Variants in MCTP1 observed in about 807,000 individuals in gnomAD.
The protein encoded by MCTP1 is multiple C2 and transmembrane domain-containing protein 1.
MCTP1 carries 69 observed loss-of-function variants against 120.6 expected under a neutral mutation model. That is an observed-to-expected ratio of 0.57 (90% confidence interval 0.47 to 0.70). The LOEUF (loss-of-function observed/expected upper bound fraction) is 0.70, where lower values mean the gene tolerates loss of function less well. MCTP1 is among the 30% of genes least tolerant of loss of function. The pLI is 0.00. For missense variants in MCTP1, 1,203 were observed against 1,248.8 expected (o/e 0.96, Z 0.55); for synonymous variants, 529 against 493.1 (o/e 1.07, Z -0.96).
intron 1 of MCTP1, among the ~76,000 whole-genome samples, chr5:95,145,305 T>C (rs758219057): frequency 1.3e-5 from 2 of 152,152 alleles, no homozygotes; most frequent in Non-Finnish European, 2.9e-5. Flanking sequence ...GTGCAGTCTT[T>C]TGGGGTTTTC....
chr5:95,008,215 A>G (rs1162540060), intron 2 of MCTP1, among the ~76,000 whole-genome samples: 5 of 152,166 alleles, frequency 3.3e-5, no homozygotes, highest in Admixed American at 6.6e-5. Flanking sequence ...TACCATGACA[A>G]TGACCAGAAG....
intron 17 of MCTP1, among the ~76,000 whole-genome samples, chr5:94,807,545 C>T (rs927866448): frequency 6.6e-6 from 1 of 152,142 alleles, no homozygotes; most frequent in Non-Finnish European, 1.5e-5. Flanking sequence ...TGTGAATTAA[C>T]CCCACCAATT....
At chr5:94,933,511 C>T (rs1222898381) in intron 5 of MCTP1, among the ~76,000 whole-genome samples, 3 of 151,790 alleles carry the variant, frequency 2.0e-5, no homozygotes, top group Non-Finnish European at 4.4e-5. Flanking sequence ...AATAAACACT[C>T]AACTTTCTCA....
chr5:94,983,172 T>C (rs1004376466), intron 2 of MCTP1, among the ~76,000 whole-genome samples: 1 of 152,108 alleles, frequency 6.6e-6, no homozygotes, highest in Admixed American at 6.6e-5. Flanking sequence ...AGGAATGTGC[T>C]TGGACAGGTA....
chr5:94,752,442 A>T (rs1307883930), intron 19 of MCTP1, among the ~76,000 whole-genome samples: 6 of 152,016 alleles, frequency 3.9e-5, no homozygotes, highest in African/African-American at 1.5e-4. Flanking sequence ...TCAGAGGTTA[A>T]GGGTCAAATA....
chr5:94,895,604 A>G (rs1162831504), intron 10 of MCTP1, among the ~76,000 whole-genome samples: 1 of 152,234 alleles, frequency 6.6e-6, no homozygotes, highest in Non-Finnish European at 1.5e-5. Context: ...AATAGGAAAT[A>G]GCCAATTATA....
chr5:94,923,987 A>T lies in MCTP1; in HGVS notation c.1247T>A (p.Phe416Tyr). 6.6e-7 allele frequency: 1 copy of T among 1,524,144 alleles called. No individual in the cohort carries two copies. Among genetic ancestry groups the T allele is most frequent in the Non-Finnish European group, 8.8e-7 (1 of 1,141,230 alleles). 94.4% of individuals were successfully genotyped at this position (1,524,144 alleles called of 1,614,324 possible). ...LSENEVVGSY[F>Y]SVKSLFWRTC... ...CCTCCAAAAGAGAGACTTCACAGAG[A>T]AATAAGATCCAACCACTTCATTTTC... Residue 416 changes from phenylalanine (F) to tyrosine (Y), a missense_variant, in exon 7 of 23, where the codon TTC (phenylalanine) becomes TAC (tyrosine). Phe to Tyr is a conservative substitution (Grantham distance 22). Transcript: ENST00000515393.
At chr5:94,823,067 TC>T (rs1400252080) in intron 17 of MCTP1, among the ~76,000 whole-genome samples, 59 of 152,256 alleles carry the variant, frequency 3.9e-4, no homozygotes, top group African/African-American at 1.4e-3. Context: ...ATTCCATTTG[TC>T]AATTTTGGCT....
chr5:94,775,806 T>G (rs1193681982), intron 19 of MCTP1, among the ~76,000 whole-genome samples: 1 of 151,884 alleles, frequency 6.6e-6, no homozygotes, highest in Non-Finnish European at 1.5e-5. Flanking sequence ...AGCCACCTAA[T>G]TTTAGATTTA....
Position 94,936,860 on chromosome 5 carries a change from G to A in MCTP1, c.1173+3224C>T, listed in dbSNP as rs111657645. On this transcript the variant is annotated intron_variant, in intron 5 of 22. Coordinates refer to ENST00000515393, the MANE Select transcript of MCTP1 (RefSeq NM_024717.7). Reference sequence around the variant, plus strand: ...AGAATAGCTAGGATACTGAATCCCAGCAGAATTTCCAATGGGGGAATCTTT... The same window carrying A: ...AGAATAGCTAGGATACTGAATCCCAACAGAATTTCCAATGGGGGAATCTTT... Among the ~76,000 whole-genome samples the A allele has an allele frequency of 1.4e-4, 21 of 152,120 alleles. 3 individuals are homozygous for A. The highest frequency in any genetic ancestry group is 4.6e-4 in the African/African-American group (19 of 41,524).
chr5:94,923,487 C>T (rs2153463358), intron 7 of MCTP1, among the ~76,000 whole-genome samples: 1 of 152,180 alleles, frequency 6.6e-6, no homozygotes, highest in East Asian at 1.9e-4. Flanking sequence ...TTGCTGTTTT[C>T]TAAATTATAG....
intron 1 of MCTP1, among the ~76,000 whole-genome samples, chr5:95,223,876 C>T (rs888646435): frequency 3.3e-5 from 5 of 152,126 alleles, no homozygotes; most frequent in Non-Finnish European, 2.9e-5. Flanking sequence ...GTCCCTACAA[C>T]TGTTTATCTG....
intron 10 of MCTP1, among the ~76,000 whole-genome samples, chr5:94,899,270 G>C (rs1006333846): frequency 6.6e-6 from 1 of 152,142 alleles, no homozygotes; most frequent in Admixed American, 6.5e-5. Context: ...AGCTCCCTAG[G>C]CTCTCCTGGA....
intron 17 of MCTP1, among the ~76,000 whole-genome samples, chr5:94,852,381 G>C (rs159599): frequency 0.89 from 135,087 of 151,842 alleles, 60,427 homozygotes; most frequent in African/African-American, 0.97. Flanking sequence ...TTATTATTTA[G>C]CTGGGGCAAA....
intron 19 of MCTP1, among the ~76,000 whole-genome samples, chr5:94,775,275 C>T (rs1775043240): frequency 1.3e-5 from 2 of 152,340 alleles, no homozygotes; most frequent in African/African-American, 4.8e-5. Flanking sequence ...TTATCTTCTG[C>T]TTCCTGATAT....
intron 19 of MCTP1, among the ~76,000 whole-genome samples, chr5:94,715,795 T>C (rs994360733): frequency 2.6e-5 from 4 of 152,238 alleles, no homozygotes; most frequent in African/African-American, 9.6e-5. Flanking sequence ...ACCCTGATTC[T>C]ATGACTCCAT....
chr5:95,207,114 G>A (rs1751711665), intron 1 of MCTP1, among the ~76,000 whole-genome samples: 1 of 152,104 alleles, frequency 6.6e-6, no homozygotes, highest in Non-Finnish European at 1.5e-5. Flanking sequence ...TTGTGAACAT[G>A]ACCAGAATTA....
chr5:95,256,543 G>A (rs574898474), intron 1 of MCTP1, among the ~76,000 whole-genome samples: 1 of 152,288 alleles, frequency 6.6e-6, no homozygotes, highest in East Asian at 1.9e-4. Flanking sequence ...CTCCAGCCTA[G>A]GGGTAATAGT....
chr5:94,821,070 A>T (rs1785536757), intron 17 of MCTP1, among the ~76,000 whole-genome samples: 2 of 152,198 alleles, frequency 1.3e-5, no homozygotes, highest in Non-Finnish European at 2.9e-5. Context: ...AATTCAAACC[A>T]AGTCTATCTG....
Sources: allele counts gnomAD v4.1 joint callset (sites outside exome capture counted in the v4.1 genomes callset), GRCh38; gene constraint gnomAD v4.1.1; transcripts MANE v1.5; gene names NCBI Gene and HGNC (gene_info 2026-07-23, HGNC 2026-07-21).